Variants in SNTG1 observed in about 807,000 individuals in gnomAD.
SNTG1 encodes the protein syntrophin gamma 1.
In SNTG1, 39 loss-of-function variants were observed where a neutral mutation model predicts 74.7. The ratio of observed to expected loss-of-function variants is 0.52; its 90% CI spans 0.40 to 0.68. The LOEUF (loss-of-function observed/expected upper bound fraction) is 0.68, where lower values mean the gene tolerates loss of function less well. SNTG1 is among the 30% of genes least tolerant of loss of function. SNTG1 has a pLI of 0.00. For missense variants in SNTG1, 685 were observed against 609.5 expected, an observed-to-expected ratio of 1.12 and a Z score of -1.30; for synonymous variants, 254 against 217.1, an observed-to-expected ratio of 1.17 and a Z score of -1.49.
chr8:50,287,004 T>G lies in SNTG1; in HGVS notation c.-27-107208T>G, dbSNP rs186731037. 2.0e-5 allele frequency among the ~76,000 whole-genome samples: 3 copies of G among 152,258 alleles called. No individual in the cohort carries two copies. The East Asian group carries it at 5.8e-4, about 29-fold the overall frequency. On this transcript the variant is annotated intron_variant, in intron 2 of 18. Transcript: ENST00000642720. ...TTTCTTTTTCTGTCTAAAAATTATT[T>G]TTTCCTTTCTTATCAATGGCCTTGT...
chr8:50,453,416 T>C (rs2093474058), intron 8 of SNTG1, among the ~76,000 whole-genome samples: 1 of 152,134 alleles, frequency 6.6e-6, no homozygotes, highest in Admixed American at 6.5e-5. Flanking sequence ...TGGAAGATTG[T>C]TAAGGAAGAG....
intron 2 of SNTG1, among the ~76,000 whole-genome samples, chr8:50,211,350 T>C (rs921669636): frequency 6.6e-5 from 10 of 152,146 alleles, no homozygotes; most frequent in Non-Finnish European, 8.8e-5. Flanking sequence ...TTTGGTAAGA[T>C]CTTTGTTATC....
intron 12 of SNTG1, among the ~76,000 whole-genome samples, chr8:50,568,253 G>GTGTT (rs1238143374): frequency 6.6e-6 from 1 of 151,764 alleles, no homozygotes; most frequent in Non-Finnish European, 1.5e-5. Flanking sequence ...GTGTGTGTGT[G>GTGTT]CTATCTATTT....
intron 12 of SNTG1, among the ~76,000 whole-genome samples, chr8:50,571,991 G>A (rs1437035454): frequency 6.6e-6 from 1 of 152,116 alleles, no homozygotes; most frequent in Non-Finnish European, 1.5e-5. Context: ...AGCTTCTTAT[G>A]TATGAACACT....
intron 13 of SNTG1, among the ~76,000 whole-genome samples, chr8:50,654,560 G>T (rs566096217): frequency 6.6e-6 from 1 of 152,062 alleles, no homozygotes; most frequent in South Asian, 2.1e-4. Flanking sequence ...CAGTTCTGCT[G>T]TCTATTGTTT....
chr8:50,093,345 T>C (rs1269436236), intron 1 of SNTG1, among the ~76,000 whole-genome samples: 1 of 152,022 alleles, frequency 6.6e-6, no homozygotes, highest in East Asian at 1.9e-4. Flanking sequence ...AATTCAGTGG[T>C]TTTTAGCATG....
chr8:50,097,349 G>T (rs960710935), intron 1 of SNTG1, among the ~76,000 whole-genome samples: 1 of 152,080 alleles, frequency 6.6e-6, no homozygotes. Flanking sequence ...GGAACTAATA[G>T]TTTTAAACAA....
chr8:50,086,780 C>A (rs1822926695), intron 1 of SNTG1, among the ~76,000 whole-genome samples: 1 of 152,002 alleles, frequency 6.6e-6, no homozygotes, highest in Admixed American at 6.6e-5. Flanking sequence ...GGAAACAAAC[C>A]AAAAACTCAC....
intron 1 of SNTG1, among the ~76,000 whole-genome samples, chr8:49,916,431 AT>A (rs988467966): frequency 2.0e-5 from 3 of 151,822 alleles, no homozygotes; most frequent in South Asian, 2.1e-4. Context: ...ATCATGTTAT[AT>A]TTTTTTTCAA....
At position 50,536,842 on chromosome 8, in the gene SNTG1, T is replaced by C. The variant is rs1021137892; in HGVS notation, c.680+34T>C. ...GTGTTTAGGAGTTATGACTGTTTTG[T>C]TTATGAAAAAAGAGACCTTTTAGAA... On this transcript the variant is annotated intron_variant, in intron 11 of 18. Coordinates refer to ENST00000642720, the MANE Select transcript of SNTG1 (RefSeq NM_018967.5). 5.6e-6 allele frequency: 9 copies of C among 1,604,896 alleles called. No individual in the cohort carries two copies. In the African/African-American group the frequency reaches 1.1e-4, roughly 19 times the overall value.
chr8:50,577,437 A>G (rs949779521), intron 12 of SNTG1, among the ~76,000 whole-genome samples: 1 of 145,072 alleles, frequency 6.9e-6, no homozygotes, highest in African/African-American at 2.5e-5. Context: ...CATAAATAAT[A>G]TTGGTCCATA....
At chr8:50,148,827 T>A (rs1412014945) in intron 1 of SNTG1, among the ~76,000 whole-genome samples, 1 of 152,196 alleles carries the variant, frequency 6.6e-6, no homozygotes, top group Non-Finnish European at 1.5e-5. Flanking sequence ...GGTTCCAATC[T>A]TTGCTATTGT....
intron 1 of SNTG1, among the ~76,000 whole-genome samples, chr8:50,151,495 T>C (rs186798194): frequency 6.6e-6 from 1 of 152,304 alleles, no homozygotes; most frequent in Admixed American, 6.5e-5. Context: ...CTTTTAATTG[T>C]GATGTTAGGG....
chr8:50,783,009 A>T (rs1236147666), intron 18 of SNTG1, among the ~76,000 whole-genome samples: 1 of 152,136 alleles, frequency 6.6e-6, no homozygotes, highest in Non-Finnish European at 1.5e-5. Context: ...CGGTGGCTGC[A>T]GAAGAGCCGA....
At chr8:50,651,803 G>C (rs2095148469) in intron 13 of SNTG1, among the ~76,000 whole-genome samples, 1 of 150,272 alleles carries the variant, frequency 6.7e-6, no homozygotes, top group Admixed American at 6.7e-5. Context: ...TTTTGAGACA[G>C]AGTTTCGCTC....
chr8:50,472,691 C>A (rs940337620), intron 8 of SNTG1, among the ~76,000 whole-genome samples: 1 of 152,050 alleles, frequency 6.6e-6, no homozygotes, highest in Non-Finnish European at 1.5e-5. Flanking sequence ...AAATGAAAAA[C>A]TTCTGTGCAT....
chr8:50,272,746 C>G (rs1463675707), intron 2 of SNTG1, among the ~76,000 whole-genome samples: 1 of 151,966 alleles, frequency 6.6e-6, no homozygotes, highest in Non-Finnish European at 1.5e-5. Flanking sequence ...TCTACACTTT[C>G]TTTTTTTATA....
In SNTG1 at chr8:50,398,143, TTC is replaced by T. The variant is rs2092752065; in HGVS notation, c.27+3880_27+3881del. Among the ~76,000 whole-genome samples, 8 of 152,350 alleles carry T rather than the reference TTC, an allele frequency of 5.3e-5. No individual in the cohort carries two copies. In the South Asian group the frequency reaches 1.7e-3, roughly 32 times the overall value. On this transcript the variant is annotated intron_variant, in intron 3 of 18. Transcript: ENST00000642720. ...CCCAACTTCCCTGCTCAGTGCCTGT[TTC>T]TGTCAACAATAAGTGTATTTTAACT...
intron 18 of SNTG1, among the ~76,000 whole-genome samples, chr8:50,775,584 T>C (rs1341022283): frequency 5.3e-5 from 8 of 151,688 alleles, no homozygotes; most frequent in African/African-American, 1.9e-4. Flanking sequence ...ATAATGTATA[T>C]TCTATTTGTA....
Sources: gnomAD v4.1 joint callset for allele counts (sites outside exome capture counted in the v4.1 genomes callset) on GRCh38, gnomAD v4.1.1 for gene constraint, MANE v1.5 for transcripts, NCBI Gene and HGNC (gene_info 2026-07-23, HGNC 2026-07-21) for gene names.